SMARCA4: variants seen among roughly 807,000 people sequenced by gnomAD.
The protein encoded by SMARCA4 is SWI/SNF related BAF chromatin remodeling complex subunit ATPase 4.
Under a neutral mutation model 193.9 loss-of-function variants are expected in SMARCA4, and 31 were observed. The observed-to-expected ratio is 0.16, with a 90% CI of 0.12 to 0.22. The LOEUF is 0.22. Ranked by LOEUF, SMARCA4 falls within the 10% of genes least tolerant of loss-of-function variation. The pLI is 1.00. For missense variants in SMARCA4, 1,148 were observed against 2,296.0 expected (o/e 0.50, Z 10.22); for synonymous variants, 942 against 933.1 (o/e 1.01, Z -0.17).
rs1555753627 is a variant in SMARCA4, at chr19:10,986,523, C to CGGCCCG, written c.695_696insGGGCCC (p.Gly243_Pro244dup). ...CACCCTCGGTGTCCGCAACAGGACC[C>CGGCCCG]GGCCCTGGCCCTGGCCCTGGCCCCG... On this transcript the variant is annotated inframe_insertion, in exon 4 of 35. Coordinates refer to ENST00000344626, the MANE Select transcript of SMARCA4 (RefSeq NM_003072.5). This position sits in a 1 kb window ranked among gnomAD's most constrained non-coding sequence, Gnocchi z 6.7. 6.5e-7 allele frequency: 1 copy of CGGCCCG among 1,543,526 alleles called. No homozygotes were observed. Among genetic ancestry groups the CGGCCCG allele is most frequent in the Non-Finnish European group, 8.7e-7 (1 of 1,146,688 alleles).
intron 11 of SMARCA4, among the ~76,000 whole-genome samples, chr19:11,000,677 G>C (rs4804560): frequency 6.6e-6 from 1 of 151,916 alleles, no homozygotes; most frequent in East Asian, 1.9e-4. Flanking sequence ...TCAGGAGTTC[G>C]AGACCAGTCT....
chr19:11,022,512 C>T (rs1007916825), intron 19 of SMARCA4, among the ~76,000 whole-genome samples: 4 of 152,232 alleles, frequency 2.6e-5, no homozygotes, highest in African/African-American at 9.6e-5. Context: ...CCCACACCAG[C>T]ACTGATCCCT....
At position 10,985,484 on chromosome 19, in the gene SMARCA4, A is replaced by G. The variant is rs1255433073; in HGVS notation, c.355+79A>G. ...GATCATTTTCCTCCCCTGGGTTCCC[A>G]CAGGATGGATTCAGGGAGTACCTAG... On this transcript the variant is annotated intron_variant, in intron 3 of 34. Coordinates refer to ENST00000344626, the MANE Select transcript of SMARCA4 (RefSeq NM_003072.5). This position sits in a 1 kb window ranked among gnomAD's most constrained non-coding sequence, Gnocchi z 4.5. 3.3e-6 allele frequency: 5 copies of G among 1,531,142 alleles called. No individual in the cohort carries two copies. Among genetic ancestry groups the G allele is most frequent in the Non-Finnish European group, 2.7e-6 (3 of 1,124,184 alleles). The allele number at this position is 1,531,142 out of a possible 1,614,324, so 94.8% of individuals were successfully genotyped here. A position where few individuals can be genotyped will look rare whatever the true frequency, so the allele number is the denominator to read the frequency against.
At chr19:10,968,412 C>T (rs2084408342) in intron 1 of SMARCA4, among the ~76,000 whole-genome samples, 1 of 152,154 alleles carries the variant, frequency 6.6e-6, no homozygotes, top group Non-Finnish European at 1.5e-5. Flanking sequence ...CCGTTTTGCT[C>T]TGTGTGCAGC....
At chr19:10,969,576 A>G (rs1304744613) in intron 1 of SMARCA4, among the ~76,000 whole-genome samples, 3 of 151,782 alleles carry the variant, frequency 2.0e-5, no homozygotes, top group Admixed American at 6.6e-5. Context: ...GATTACAGGC[A>G]TGCACCACCA....
intron 1 of SMARCA4, chr19:10,977,623 C>G (rs2145628731): frequency 6.6e-6 from 1 of 152,448 alleles, no homozygotes; most frequent in East Asian, 1.9e-4. Context: ...CATGCCCAGC[C>G]CATGACTCAG....
intron 11 of SMARCA4, 35 bp downstream of exon 11, chr19:10,996,579 C>G (rs2145983268): frequency 6.3e-7 from 1 of 1,599,924 alleles, no homozygotes; most frequent in South Asian, 1.1e-5. Flanking sequence ...AAGTATCAAG[C>G]TAGCCCTAAG....
chr19:10,992,909 A>G (rs549043757), intron 8 of SMARCA4, among the ~76,000 whole-genome samples: 2 of 146,792 alleles, frequency 1.4e-5, no homozygotes, highest in South Asian at 2.2e-4. Flanking sequence ...TTTTTTATAT[A>G]TATTATTTCA....
intron 1 of SMARCA4, among the ~76,000 whole-genome samples, chr19:10,973,914 A>G (rs1238237863): frequency 2.0e-5 from 3 of 151,942 alleles, no homozygotes; most frequent in Non-Finnish European, 4.4e-5. Context: ...TTTGTTTTGT[A>G]GTTCACGCAT....
chr19:10,966,029 C>G (rs1259197664), intron 1 of SMARCA4, among the ~76,000 whole-genome samples: 1 of 124,010 alleles, frequency 8.1e-6, no homozygotes, highest in African/African-American at 3.1e-5. Context: ...GTTGCCCAGG[C>G]TGGAGCACAA....
intron 1 of SMARCA4, among the ~76,000 whole-genome samples, chr19:10,970,022 C>T (rs147367815): frequency 1.1e-4 from 16 of 152,232 alleles, no homozygotes; most frequent in East Asian, 7.7e-4. Context: ...TTGGTCTTTG[C>T]GCCACATGTC....
At chr19:11,024,659 C>T (rs1481697660) in intron 21 of SMARCA4, among the ~76,000 whole-genome samples, 1 of 152,172 alleles carries the variant, frequency 6.6e-6, no homozygotes, top group Non-Finnish European at 1.5e-5. Context: ...GCTCCTTCTG[C>T]AATTGGCAGC....
At chr19:11,053,888 G>A (rs2076397638) in intron 30 of SMARCA4, among the ~76,000 whole-genome samples, 1 of 152,302 alleles carries the variant, frequency 6.6e-6, no homozygotes, top group Non-Finnish European at 1.5e-5. Context: ...TCTAGCCTGG[G>A]CAACAGAACA....
rs58486047 is a variant in SMARCA4, at chr19:11,033,135, C to A, written c.3547-155C>A. The A allele has an allele frequency of 5.7e-6, 4 of 700,018 alleles. No individual in the cohort carries two copies. Among genetic ancestry groups the A allele is most frequent in the East Asian group, 5.4e-5 (2 of 37,024 alleles). 43.4% of individuals were successfully genotyped at this position (700,018 alleles called of 1,614,324 possible). The stretch of plus-strand genomic sequence containing the variant: ...GGACACATGGCGGCCCAGGCTCCAC[C>A]AGCTCTGTTTTCATGCGGCGGCAGG... On this transcript the variant is annotated intron_variant, in intron 25 of 34. Coordinates refer to ENST00000344626, the MANE Select transcript of SMARCA4 (RefSeq NM_003072.5). The surrounding 1 kb of genome is among the most constrained non-coding windows in gnomAD (Gnocchi z 9.8).
intron 1 of SMARCA4, among the ~76,000 whole-genome samples, chr19:10,975,566 C>T (rs766480650): frequency 9.2e-5 from 14 of 151,390 alleles, no homozygotes; most frequent in Non-Finnish European, 1.2e-4. Flanking sequence ...ACCTTGGCCT[C>T]GCAAAGTGCT....
At position 10,986,597 on chromosome 19, in the gene SMARCA4, A is replaced by G. The variant is rs1213865421; in HGVS notation, c.760+4A>G. 1 of 1,535,796 alleles carries G rather than the reference A, an allele frequency of 6.5e-7. No homozygotes were observed. The highest frequency in any genetic ancestry group is 8.7e-7 in the Non-Finnish European group (1 of 1,146,762). ...CCAAATTACAGCAGGCCTCATGGTA[A>G]GACTGGCTGCCCTGGCCCTCAGGTG... On this transcript the variant is annotated splice_donor_region_variant and intron_variant, in intron 4 of 34. Transcript: ENST00000344626. The surrounding 1 kb of genome is among the most constrained non-coding windows in gnomAD (Gnocchi z 6.7).
chr19:11,023,990 C>A (rs1427549357), intron 20 of SMARCA4, among the ~76,000 whole-genome samples: 1 of 152,218 alleles, frequency 6.6e-6, no homozygotes, highest in East Asian at 1.9e-4. Context: ...AGCCACACCC[C>A]TGGGCCCAGT....
intron 1 of SMARCA4, among the ~76,000 whole-genome samples, chr19:10,965,976 T>TG (rs2084184503): frequency 1.5e-5 from 2 of 136,224 alleles, no homozygotes; most frequent in Admixed American, 7.3e-5. Context: ...CATGGTTTTT[T>TG]TTTTTTTTTT....
chr19:10,964,181 G>T (rs1055902660), intron 1 of SMARCA4, among the ~76,000 whole-genome samples: 1 of 152,038 alleles, frequency 6.6e-6, no homozygotes, highest in Non-Finnish European at 1.5e-5. Flanking sequence ...GTGTACCTTT[G>T]CTTCTCCTTG....
Sources: gnomAD v4.1 joint callset for allele counts (sites outside exome capture counted in the v4.1 genomes callset) on GRCh38, gnomAD v4.1.1 for gene constraint, Gnocchi (gnomAD v3.1) non-coding constraint, MANE v1.5 for transcripts, NCBI Gene and HGNC (gene_info 2026-07-23, HGNC 2026-07-21) for gene names.